Variants in CRABP2 observed in about 807,000 individuals in gnomAD.
CRABP2 encodes the protein cellular retinoic acid binding protein 2, also known as cellular retinoic acid-binding protein 2.
Under a neutral mutation model 17.9 loss-of-function variants are expected in CRABP2, and 20 were observed. That is an observed-to-expected ratio of 1.12 (90% CI 0.79 to 1.63). The LOEUF (loss-of-function observed/expected upper bound fraction) is 1.63, where lower values mean the gene tolerates loss of function less well. CRABP2 is among the 40% of genes most tolerant of loss of function. CRABP2 has a pLI of 0.00. For synonymous variants in CRABP2, 76 were observed against 66.4 expected (o/e 1.14, Z -0.70); for missense variants, 151 against 168.6 (o/e 0.90, Z 0.58).
chr1:156,701,451 T>C (rs1648030737), intron 1 of CRABP2, among the ~76,000 whole-genome samples: 1 of 152,154 alleles, frequency 6.6e-6, no homozygotes, highest in Non-Finnish European at 1.5e-5. Context: ...TGTCTCTGTT[T>C]ACTTCACTTT....
Position 156,699,731 on chromosome 1 carries a change from G to T in CRABP2, c.*295C>A. ...TGCTCAGGCCCTCAAGTCCCCTTTA[G>T]AGAGACCCTGCTCTGGGCTGGTTTG... On this transcript the variant is annotated 3_prime_UTR_variant, in exon 4 of 4. Coordinates refer to ENST00000368222, the MANE Select transcript of CRABP2 (RefSeq NM_001878.4). 2.3e-6 allele frequency: 1 copy of T among 432,566 alleles called. No homozygotes were observed. Among genetic ancestry groups the T allele is most frequent in the Non-Finnish European group, 4.2e-6 (1 of 237,652 alleles). The allele number at this position is 432,566 out of a possible 1,614,324, so 26.8% of individuals were successfully genotyped here.
Position 156,700,641 on chromosome 1 carries a change from C to A in CRABP2, c.267G>T (p.Glu89Asp), listed in dbSNP as rs1346153680. Residue 89 changes from glutamate (E) to aspartate (D), a missense_variant, in exon 3 of 4, where the codon GAG (glutamate) becomes GAT (aspartate). Glu to Asp is a conservative substitution (Grantham distance 45). Coordinates refer to ENST00000368222, the MANE Select transcript of CRABP2 (RefSeq NM_001878.4). Reference protein sequence around the residue: ...GRPCKSLVKWESENKMVCEQK... With the variant: ...GRPCKSLVKWDSENKMVCEQK... The stretch of plus-strand genomic sequence containing the variant: ...GCTCACAGACCATTTTATTCTCACT[C>A]TCCCATTTCACCAGGCTCTGCAAGA... 6.2e-7 allele frequency: 1 copy of A among 1,614,062 alleles called. No homozygotes were observed. Among genetic ancestry groups the A allele is most frequent in the Non-Finnish European group, 8.5e-7 (1 of 1,180,002 alleles).
chr1:156,705,256 CG>C lies in CRABP2; in HGVS notation c.70+120del. On this transcript the variant is annotated intron_variant, in intron 1 of 3. Coordinates refer to ENST00000368222, the MANE Select transcript of CRABP2 (RefSeq NM_001878.4). The surrounding 1 kb of genome is among the most constrained non-coding windows in gnomAD (Gnocchi z 5.2). ...GGACCCGGACGCCTGGCACGTTTTTCGGGGATGCAGGCACCCAGTGTCTCAC... is the reference window on the plus strand; with the variant it reads ...GGACCCGGACGCCTGGCACGTTTTTCGGGATGCAGGCACCCAGTGTCTCAC... The C allele has an allele frequency of 9.1e-7, 1 of 1,102,452 alleles. No homozygotes were observed. The highest frequency in any genetic ancestry group is 1.3e-5 in the South Asian group (1 of 75,366). 68.3% of individuals were successfully genotyped at this position (1,102,452 alleles called of 1,614,324 possible).
rs761911054 is a variant in CRABP2, at chr1:156,705,399, G to T, written c.48C>A (p.Phe16Leu). 6.2e-7 allele frequency: 1 copy of T among 1,614,180 alleles called. No homozygotes were observed. The highest frequency in any genetic ancestry group is 8.5e-7 in the Non-Finnish European group (1 of 1,180,024). ...TACCCAGCACTTTGAGCAATTCCTC[G>T]AAGTTTTCCGATCGGATGATTTTCC... is the stretch of plus-strand genomic sequence containing the variant. The part of the protein sequence containing the change: ...GNWKIIRSEN[F>L]EELLKVLGVN... Residue 16 changes from phenylalanine to leucine, a missense_variant, in exon 1 of 4, where the codon TTC (phenylalanine) becomes TTA (leucine). By Grantham distance (22) the Phe-to-Leu change is conservative. Transcript: ENST00000368222. This position sits in a 1 kb window ranked among gnomAD's most constrained non-coding sequence, Gnocchi z 5.2.
In CRABP2 at chr1:156,705,167, A is replaced by G. The variant is rs1648157420; in HGVS notation, c.70+210T>C. On this transcript the variant is annotated intron_variant, in intron 1 of 3. Transcript: ENST00000368222. This position sits in a 1 kb window ranked among gnomAD's most constrained non-coding sequence, Gnocchi z 5.2. ...TGATTCACAGGCCGTGAGTCACCGC[A>G]GTGTTGGCACCGGTGGGCCCCCGCA... Among the ~76,000 whole-genome samples the G allele has an allele frequency of 6.6e-6, 1 of 152,186 alleles. No homozygotes were observed. The highest frequency in any genetic ancestry group is 1.5e-5 in the Non-Finnish European group (1 of 68,032).
At chr1:156,704,078 C>T (rs780364108) in intron 1 of CRABP2, among the ~76,000 whole-genome samples, 8 of 152,174 alleles carry the variant, frequency 5.3e-5, no homozygotes, top group Non-Finnish European at 1.5e-5. Context: ...AGACCACCAC[C>T]TCATCCACTG....
At chr1:156,702,148 C>T (rs1309976036) in intron 1 of CRABP2, among the ~76,000 whole-genome samples, 1 of 151,776 alleles carries the variant, frequency 6.6e-6, no homozygotes, top group African/African-American at 2.4e-5. Flanking sequence ...GAGACCCTGT[C>T]TCAAAAACAA....
chr1:156,701,907 G>A (rs755648805), intron 1 of CRABP2, among the ~76,000 whole-genome samples: 1 of 152,066 alleles, frequency 6.6e-6, no homozygotes, highest in Non-Finnish European at 1.5e-5. Flanking sequence ...ACAAGGCCAA[G>A]GCAGGTGGAT....
chr1:156,703,192 C>T (rs1175394156), intron 1 of CRABP2, among the ~76,000 whole-genome samples: 2 of 152,100 alleles, frequency 1.3e-5, no homozygotes, highest in Admixed American at 6.6e-5. Flanking sequence ...AGGAGACTGC[C>T]CTCCCCGCTC....
chr1:156,705,260 G>T lies in CRABP2; in HGVS notation c.70+117C>A. ...CCGGACGCCTGGCACGTTTTTCGGG[G>T]ATGCAGGCACCCAGTGTCTCACGCC... On this transcript the variant is annotated intron_variant, in intron 1 of 3. Coordinates refer to ENST00000368222, the MANE Select transcript of CRABP2 (RefSeq NM_001878.4). This position sits in a 1 kb window ranked among gnomAD's most constrained non-coding sequence, Gnocchi z 5.2. The T allele has an allele frequency of 1.8e-6, 2 of 1,141,474 alleles. No individual in the cohort carries two copies. Among genetic ancestry groups the T allele is most frequent in the South Asian group, 2.6e-5 (2 of 77,308 alleles). 70.7% of individuals were successfully genotyped at this position (1,141,474 alleles called of 1,614,324 possible).
In CRABP2 at chr1:156,705,164, C is replaced by G. The variant is rs531025997; in HGVS notation, c.70+213G>C. ...ACGTGATTCACAGGCCGTGAGTCACCGCAGTGTTGGCACCGGTGGGCCCCC... is the reference window on the plus strand; with the variant it reads ...ACGTGATTCACAGGCCGTGAGTCACGGCAGTGTTGGCACCGGTGGGCCCCC... On this transcript the variant is annotated intron_variant, in intron 1 of 3. Coordinates refer to ENST00000368222, the MANE Select transcript of CRABP2 (RefSeq NM_001878.4). This position sits in a 1 kb window ranked among gnomAD's most constrained non-coding sequence, Gnocchi z 5.2. Among the ~76,000 whole-genome samples, 2 of 152,364 alleles carry G rather than the reference C, an allele frequency of 1.3e-5. No homozygotes were observed. Among genetic ancestry groups the G allele is most frequent in the East Asian group, 3.9e-4 (2 of 5,188 alleles).
chr1:156,700,469 A>G (rs1461010313), intron 3 of CRABP2, 73 bp downstream of exon 3: 1 of 1,219,512 alleles, frequency 8.2e-7, no homozygotes, highest in African/African-American at 1.5e-5. Context: ...AGTCTCCTGC[A>G]CCCTGGGGTC....
chr1:156,699,804 G>A lies in CRABP2; in HGVS notation c.*222C>T, dbSNP rs1647971045. ...GAGGCGGGGAGTGAACCCGGAATGG[G>A]TGATCTGGGCTCTTGCAGCCATTCC... On this transcript the variant is annotated 3_prime_UTR_variant, in exon 4 of 4. Coordinates refer to ENST00000368222, the MANE Select transcript of CRABP2 (RefSeq NM_001878.4). The A allele has an allele frequency of 3.7e-6, 2 of 547,376 alleles. No homozygotes were observed. 33.9% of individuals were successfully genotyped at this position (547,376 alleles called of 1,614,324 possible).
Position 156,699,749 on chromosome 1 carries a change from C to T in CRABP2, c.*277G>A, listed in dbSNP as rs1647969063. 8.5e-6 allele frequency: 4 copies of T among 471,988 alleles called. No homozygotes were observed. The East Asian group carries it at 1.4e-4, about 16-fold the overall frequency. The allele number at this position is 471,988 out of a possible 1,614,324, so 29.2% of individuals were successfully genotyped here. Reference sequence around the variant, plus strand: ...CCCTTTAGAGAGACCCTGCTCTGGGCTGGTTTGGGGCTAGGACTGCTGACT... The same window carrying T: ...CCCTTTAGAGAGACCCTGCTCTGGGTTGGTTTGGGGCTAGGACTGCTGACT... On this transcript the variant is annotated 3_prime_UTR_variant, in exon 4 of 4. Coordinates refer to ENST00000368222, the MANE Select transcript of CRABP2 (RefSeq NM_001878.4).
intron 3 of CRABP2, 26 bp downstream of exon 3, chr1:156,700,516 A>G (rs1647996610): frequency 1.9e-6 from 3 of 1,563,006 alleles, no homozygotes; most frequent in Non-Finnish European, 2.6e-6. Context: ...TGGGTTTGCT[A>G]TTAGTGGGGA....
chr1:156,700,116 G>C lies in CRABP2; in HGVS notation c.367-40C>G, dbSNP rs371873027. 5.6e-6 allele frequency: 9 copies of C among 1,602,262 alleles called. No individual in the cohort carries two copies. The African/African-American group carries it at 8.0e-5, about 14-fold the overall frequency. ...GTAGTTGTTAGCCTGAGAGGCCCCT[G>C]GGGTCCTGTGGCTTTGGAGAGGAGG... is the stretch of plus-strand genomic sequence containing the variant. On this transcript the variant is annotated intron_variant, in intron 3 of 3. Transcript: ENST00000368222.
At chr1:156,702,142 C>A (rs1395006336) in intron 1 of CRABP2, among the ~76,000 whole-genome samples, 2 of 151,722 alleles carry the variant, frequency 1.3e-5, no homozygotes, top group Non-Finnish European at 2.9e-5. Flanking sequence ...CAGAGAGAGA[C>A]CCTGTCTCAA....
Position 156,699,874 on chromosome 1 carries a change from G to T in CRABP2, c.*152C>A. On this transcript the variant is annotated 3_prime_UTR_variant, in exon 4 of 4. Transcript: ENST00000368222. ...GGAGAGAAGAGGTCAAAGAAAGCAAGACCCTGCAAGAGGCATCCCAGTGAC... is the reference window on the plus strand; with the variant it reads ...GGAGAGAAGAGGTCAAAGAAAGCAATACCCTGCAAGAGGCATCCCAGTGAC... 1.4e-6 allele frequency: 1 copy of T among 710,802 alleles called. No individual in the cohort carries two copies. Among genetic ancestry groups the T allele is most frequent in the Non-Finnish European group, 2.4e-6 (1 of 421,364 alleles). The allele number at this position is 710,802 out of a possible 1,614,324, so 44.0% of individuals were successfully genotyped here.
At chr1:156,700,273 G>A (rs1294661743) in intron 3 of CRABP2, among the ~76,000 whole-genome samples, 197 bp from the exon 4 acceptor site, 2 of 152,068 alleles carry the variant, frequency 1.3e-5, no homozygotes, top group African/African-American at 2.4e-5. Context: ...CCTGGGGCCC[G>A]TCCTCCTCCT....
Sources: gnomAD v4.1 joint callset for allele counts (sites outside exome capture counted in the v4.1 genomes callset) on GRCh38, gnomAD v4.1.1 for gene constraint, Gnocchi (gnomAD v3.1) non-coding constraint, MANE v1.5 for transcripts, NCBI Gene and HGNC (gene_info 2026-07-23, HGNC 2026-07-21) for gene names.